Variants in POU2AF2 observed in about 807,000 individuals in gnomAD.
POU2AF2 encodes the protein POU class 2 homeobox associating factor 2, also known as POU domain class 2-associating factor 2.
the POU2AF2 span, among the ~76,000 whole-genome samples, chr11:111,280,057 A>AAAAAT: frequency 1.3e-5 from 1 of 76,498 alleles, no homozygotes; most frequent in African/African-American, 5.0e-5. Flanking sequence ...AAAAAAAAAA[A>AAAAAT]ATATATATAT....
the POU2AF2 span, among the ~76,000 whole-genome samples, chr11:111,277,606 A>G: frequency 5.9e-5 from 9 of 152,338 alleles, no homozygotes; most frequent in Admixed American, 4.6e-4. Flanking sequence ...TGCTGAGGGC[A>G]AATAGGGTGC....
At chr11:111,282,230 G>T in the POU2AF2 span, among the ~76,000 whole-genome samples, 3 of 152,170 alleles carry the variant, frequency 2.0e-5, no homozygotes, top group Non-Finnish European at 4.4e-5. Context: ...TTTGGAAATT[G>T]GGAGTATAGA....
chr11:111,247,876 G>A, the POU2AF2 span, among the ~76,000 whole-genome samples: 2 of 126,072 alleles, frequency 1.6e-5, no homozygotes, highest in Admixed American at 1.8e-4. Flanking sequence ...ACTATAAGTG[G>A]CCTTTTTTTT....
At chr11:111,283,593 A>G in the POU2AF2 span, among the ~76,000 whole-genome samples, 1 of 152,200 alleles carries the variant, frequency 6.6e-6, no homozygotes, top group African/African-American at 2.4e-5. Context: ...ATTAGAAGGC[A>G]GAGTACAGCC....
chr11:111,264,236 CTG>C, the POU2AF2 span, among the ~76,000 whole-genome samples: 1 of 151,998 alleles, frequency 6.6e-6, no homozygotes, highest in African/African-American at 2.4e-5. Flanking sequence ...TGGCTCACGT[CTG>C]TAATCCCAGC....
At chr11:111,278,150 A>C in the POU2AF2 span, among the ~76,000 whole-genome samples, 1 of 152,208 alleles carries the variant, frequency 6.6e-6, no homozygotes. Context: ...TAGTAATAAT[A>C]GCTAAGGCAC....
the POU2AF2 span, among the ~76,000 whole-genome samples, chr11:111,250,904 C>A: frequency 6.6e-6 from 1 of 152,090 alleles, no homozygotes; most frequent in Admixed American, 6.5e-5. Context: ...GTACAGTAAG[C>A]AAGGAGATGA....
At chr11:111,270,735 G>A in the POU2AF2 span, among the ~76,000 whole-genome samples, 1 of 152,314 alleles carries the variant, frequency 6.6e-6, no homozygotes, top group East Asian at 1.9e-4. Context: ...AAGAGGAAGA[G>A]AGCCCTGGAA....
the POU2AF2 span, among the ~76,000 whole-genome samples, chr11:111,264,952 G>C: frequency 7.2e-6 from 1 of 138,072 alleles, no homozygotes; most frequent in African/African-American, 2.6e-5. Context: ...GGGAGGGAGG[G>C]AGAGGAAGGA....
At chr11:111,278,369 G>A in the POU2AF2 span, among the ~76,000 whole-genome samples, 3 of 152,182 alleles carry the variant, frequency 2.0e-5, no homozygotes, top group African/African-American at 4.8e-5. Flanking sequence ...CGAACTCGAG[G>A]TTGATATTAC....
At chr11:111,268,167 C>T in the POU2AF2 span, among the ~76,000 whole-genome samples, 6 of 152,286 alleles carry the variant, frequency 3.9e-5, no homozygotes, top group East Asian at 3.9e-4. Context: ...ATTGTCACAC[C>T]TGAGAACATA....
chr11:111,276,453 A>AAAATATAGATATATAT, the POU2AF2 span, among the ~76,000 whole-genome samples: 42 of 37,672 alleles, frequency 1.1e-3, 2 homozygotes, highest in Non-Finnish European at 1.8e-3. Context: ...AAAAAAAAAA[A>AAAATATAGATATATAT]ATATATATAT....
the POU2AF2 span, among the ~76,000 whole-genome samples, chr11:111,272,665 C>A: frequency 1.3e-5 from 2 of 152,172 alleles, no homozygotes; most frequent in African/African-American, 4.8e-5. Context: ...TATTTATGCA[C>A]CTGTTTTTGC....
the POU2AF2 span, among the ~76,000 whole-genome samples, chr11:111,251,324 C>T: frequency 5.3e-5 from 8 of 152,082 alleles, no homozygotes; most frequent in African/African-American, 1.9e-4. Context: ...TCAGTCACCA[C>T]AAAGACAGGC....
the POU2AF2 span, among the ~76,000 whole-genome samples, chr11:111,252,081 G>A: frequency 6.6e-6 from 1 of 152,170 alleles, no homozygotes; most frequent in Non-Finnish European, 1.5e-5. Context: ...ACTTTAAAAA[G>A]CAAAGTAGAG....
At chr11:111,284,226 C>G in the POU2AF2 span, 1 of 1,614,154 alleles carries the variant, frequency 6.2e-7, no homozygotes, top group Non-Finnish European at 8.5e-7. Flanking sequence ...CAGAGCCATG[C>G]GGCTCTCCTG....
the POU2AF2 span, among the ~76,000 whole-genome samples, chr11:111,268,432 A>C: frequency 1.3e-5 from 2 of 151,330 alleles, no homozygotes; most frequent in East Asian, 1.9e-4. Flanking sequence ...AATGGGCATC[A>C]GGTGGCCCAA....
the POU2AF2 span, among the ~76,000 whole-genome samples, chr11:111,255,023 G>A: frequency 6.6e-6 from 1 of 152,110 alleles, no homozygotes; most frequent in Non-Finnish European, 1.5e-5. Flanking sequence ...CCAAACAAAA[G>A]GTTCTCTTAT....
At chr11:111,285,334 A>T in the POU2AF2 span, among the ~76,000 whole-genome samples, 1 of 152,250 alleles carries the variant, frequency 6.6e-6, no homozygotes, top group East Asian at 1.9e-4. Flanking sequence ...ACTCAAAAAG[A>T]ATCCAAGACA....
Sources: allele counts gnomAD v4.1 joint callset (sites outside exome capture counted in the v4.1 genomes callset), GRCh38; gene constraint gnomAD v4.1.1; transcripts MANE v1.5; gene names NCBI Gene and HGNC (gene_info 2026-07-23, HGNC 2026-07-21).